The following CARS2 variants were observed in gnomAD, a reference collection of about 807,000 sequenced individuals.
CARS2 encodes the protein cysteinyl-tRNA synthetase 2, mitochondrial, also known as probable cysteine--tRNA ligase, mitochondrial.
CARS2 carries 52 observed loss-of-function variants against 68.8 expected under a neutral mutation model. The observed-to-expected ratio is 0.76, with a 90% CI of 0.61 to 0.95. CARS2 has a LOEUF of 0.95. Among genes scored for constraint, CARS2 ranks in the 40% least tolerant of loss-of-function variants. The pLI, the probability that CARS2 is intolerant of heterozygous loss-of-function variation, is 0.00. For synonymous variants in CARS2, 314 were observed against 303.6 expected (o/e 1.03, Z -0.36); for missense variants, 780 against 754.2 (o/e 1.03, Z -0.40).
intron 9 of CARS2, among the ~76,000 whole-genome samples, chr13:110,660,404 G>C (rs2062472059): frequency 6.6e-6 from 1 of 152,132 alleles, no homozygotes; most frequent in Non-Finnish European, 1.5e-5. Context: ...TTTCCAGAAG[G>C]TTTCCAATTT....
chr13:110,703,156 G>A (rs1030460928), intron 2 of CARS2, among the ~76,000 whole-genome samples: 3 of 152,206 alleles, frequency 2.0e-5, no homozygotes, highest in Non-Finnish European at 4.4e-5. Context: ...TTCTGGAAAT[G>A]GTGGAGGCTA....
In CARS2 at chr13:110,641,476, C is replaced by CTT; in HGVS notation, c.*59_*60dup. Reference sequence around the variant, plus strand: ...CCGACAGGAAGCTTTAACATAAAGCCTTGACCCTGAGAAGCATGGGTGCGT... The same window carrying CTT: ...CCGACAGGAAGCTTTAACATAAAGCCTTTTGACCCTGAGAAGCATGGGTGCGT... On this transcript the variant is annotated 3_prime_UTR_variant, in exon 15 of 15. Transcript: ENST00000257347. The CTT allele has an allele frequency of 7.3e-7, 1 of 1,363,556 alleles. No individual in the cohort carries two copies. The highest frequency in any genetic ancestry group is 1.1e-6 in the Non-Finnish European group (1 of 951,080). The allele number at this position is 1,363,556 out of a possible 1,614,324, so 84.5% of individuals were successfully genotyped here.
At chr13:110,672,904 A>C (rs1325025965) in intron 7 of CARS2, among the ~76,000 whole-genome samples, 1 of 152,254 alleles carries the variant, frequency 6.6e-6, no homozygotes, top group East Asian at 1.9e-4. Context: ...ATCCCACAGA[A>C]ATACAAACTA....
intron 14 of CARS2, 104 bp downstream of exon 14, chr13:110,642,207 CAAAA>C (rs1024435544): frequency 6.9e-6 from 6 of 865,188 alleles, no homozygotes; most frequent in Non-Finnish European, 1.1e-5. Flanking sequence ...AACTCCGTCT[CAAAA>C]AAAAAGCATG....
intron 1 of CARS2, chr13:110,712,907 G>A (rs1394546421): frequency 4.6e-6 from 7 of 1,533,992 alleles, no homozygotes; most frequent in African/African-American, 1.4e-5. Flanking sequence ...CACAAAGGGA[G>A]GGCGGTGACG....
intron 3 of CARS2, among the ~76,000 whole-genome samples, chr13:110,688,390 G>A (rs1261533828): frequency 4.6e-5 from 7 of 152,110 alleles, no homozygotes; most frequent in Admixed American, 4.6e-4. Context: ...TTGAAGCTGC[G>A]AACAGCCATG....
intron 3 of CARS2, among the ~76,000 whole-genome samples, chr13:110,690,626 C>T (rs2063431710): frequency 6.6e-6 from 1 of 152,204 alleles, no homozygotes; most frequent in African/African-American, 2.4e-5. Flanking sequence ...CCATCCTCAC[C>T]ACTACAAACA....
chr13:110,647,078 C>A, intron 11 of CARS2, 23 bp downstream of exon 11: 1 of 1,546,852 alleles, frequency 6.5e-7, no homozygotes, highest in Non-Finnish European at 8.7e-7. Context: ...GGTGCCACGC[C>A]GGGTGCTAGG....
chr13:110,701,423 C>T lies in CARS2; in HGVS notation c.393+15G>A, dbSNP rs368419708. On this transcript the variant is annotated intron_variant, in intron 3 of 14. Coordinates refer to ENST00000257347, the MANE Select transcript of CARS2 (RefSeq NM_024537.4). ...TCAATGGCATTATCAATAGATGTAA[C>T]TCTTCTCCACTTACCTCATTGGCTC... 25 of 1,108,050 alleles carry T rather than the reference C, an allele frequency of 2.3e-5. No homozygotes were observed. In the African/African-American group the frequency reaches 3.4e-4, roughly 15 times the overall value. The allele number at this position is 1,108,050 out of a possible 1,614,324, so 68.6% of individuals were successfully genotyped here.
chr13:110,663,696 G>C lies in CARS2; in HGVS notation c.920-178C>G, dbSNP rs2296656. The C allele has an allele frequency of 0.83, 1,153,986 of 1,391,294 alleles. 480,577 individuals carry two copies. Among genetic ancestry groups the C allele is most frequent in the East Asian group, 0.85 (30,791 of 36,140 alleles). 86.2% of individuals were successfully genotyped at this position (1,391,294 alleles called of 1,614,324 possible). A position where few individuals can be genotyped will look rare whatever the true frequency, so the allele number is the denominator to read the frequency against. On this transcript the variant is annotated intron_variant, in intron 8 of 14. Transcript: ENST00000257347. ...CCGTGCTGGGCCTTCCGGGAAGACA[G>C]GACCTGCCCTTGTTCCACGGTGCAG... is the stretch of plus-strand genomic sequence containing the variant.
intron 7 of CARS2, among the ~76,000 whole-genome samples, chr13:110,667,913 C>T (rs1322717552): frequency 1.3e-5 from 2 of 152,184 alleles, no homozygotes; most frequent in Non-Finnish European, 2.9e-5. Flanking sequence ...ACACAGGTTG[C>T]CATTTCTCCT....
exon 1 of CARS2, chr13:110,713,496 T>TC: frequency 5.1e-6 from 5 of 986,776 alleles, no homozygotes; most frequent in Non-Finnish European, 6.0e-6. Flanking sequence ...CGCTGTCCCC[T>TC]CCGCGACCCT....
At chr13:110,661,510 A>C (rs2062502942) in intron 9 of CARS2, among the ~76,000 whole-genome samples, 1 of 152,204 alleles carries the variant, frequency 6.6e-6, no homozygotes, top group South Asian at 2.1e-4. Context: ...ATCAGCAATA[A>C]GGTTGTTTTG....
chr13:110,644,600 C>G, intron 12 of CARS2, 117 bp from the exon 13 acceptor site: 1 of 1,503,880 alleles, frequency 6.6e-7, no homozygotes, highest in Non-Finnish European at 8.9e-7. Context: ...GGCCTTTCTC[C>G]TGGCTTCTAT....
intron 13 of CARS2, chr13:110,643,862 T>C (rs1327459810): frequency 2.0e-5 from 5 of 248,888 alleles, no homozygotes; most frequent in Middle Eastern, 1.7e-3. Flanking sequence ...AAAATGCTCT[T>C]GAGTTACAAC....
intron 10 of CARS2, chr13:110,649,000 G>C (rs1384436636): frequency 6.6e-6 from 1 of 152,234 alleles, no homozygotes; most frequent in Non-Finnish European, 1.5e-5. Context: ...CGGGAAGAGA[G>C]CTCTGCGCTC....
rs547578192 is a variant in CARS2, at chr13:110,642,360, G to A, written c.1578C>T (p.Cys526=). 2.8e-5 allele frequency: 43 copies of A among 1,554,664 alleles called. No homozygotes were observed. In the Admixed American group the frequency reaches 2.9e-4, roughly 11 times the overall value. The change falls in exon 14 of 15, where the codon TGC becomes TGT. Residue 526 remains cysteine (C), a synonymous_variant. Transcript: ENST00000257347. ...LLERQPLLEA[C]DTLRRGLTAH... ...CAGTCAGGCCCCGGCGCAGGGTGTC[G>A]CATGCTTCCAGCAGGGGCTGCCTTT...
At position 110,667,370 on chromosome 13, in the gene CARS2, C is replaced by T. The variant is rs368410574; in HGVS notation, c.889G>A (p.Glu297Lys). The T allele has an allele frequency of 4.3e-6, 7 of 1,613,528 alleles. No individual in the cohort carries two copies. The highest frequency in any genetic ancestry group is 1.6e-4 in the Middle Eastern group (1 of 6,062). ...TGCAGAAAATAATTTCCCCACTGCTCGCACTGATGAAAGACTTCGCACTGT... is the reference window on the plus strand; with the variant it reads ...TGCAGAAAATAATTTCCCCACTGCTTGCACTGATGAAAGACTTCGCACTGT... ...IAQCEVFHQCEQWGNYFLHSG... is the reference protein window; with the variant it reads ...IAQCEVFHQCKQWGNYFLHSG... The change falls in exon 8 of 15, where the codon GAG (glutamate) becomes AAG (lysine). Residue 297 changes from glutamate (E) to lysine (K), a missense_variant. Coordinates refer to ENST00000257347, the MANE Select transcript of CARS2 (RefSeq NM_024537.4).
chr13:110,663,407 C>T, intron 9 of CARS2, 44 bp downstream of exon 9: 1 of 1,584,342 alleles, frequency 6.3e-7, no homozygotes, highest in Non-Finnish European at 8.6e-7. Context: ...ATGGGTTCCA[C>T]AAGCTATCGG....
Sources: gnomAD v4.1 joint callset for allele counts (sites outside exome capture counted in the v4.1 genomes callset) on GRCh38, gnomAD v4.1.1 for gene constraint, MANE v1.5 for transcripts, NCBI Gene and HGNC (gene_info 2026-07-23, HGNC 2026-07-21) for gene names.